The following ESRRB variants were observed in gnomAD, a reference collection of about 807,000 sequenced individuals.
ESRRB encodes the protein estrogen related receptor beta, also known as steroid hormone receptor ERR2.
ESRRB carries 16 observed loss-of-function variants against 46.0 expected under a neutral mutation model. That is an observed-to-expected ratio of 0.35 (90% CI 0.24 to 0.53). The LOEUF (loss-of-function observed/expected upper bound fraction) is 0.53. ESRRB is among the 20% of genes least tolerant of loss of function. ESRRB has a pLI of 0.93. For synonymous variants in ESRRB, 246 were observed against 259.6 expected, an observed-to-expected ratio of 0.95 and a Z score of 0.50; for missense variants, 488 against 607.4, an observed-to-expected ratio of 0.80 and a Z score of 2.07.
rs1358367862 is a variant in ESRRB at position 76,365,492 on chromosome 14, CA to C, written c.2+54579del. On this transcript the variant is annotated intron_variant, in intron 1 of 6. Transcript: ENST00000512784. ...AGATCCTGTCTCCAAAACAAACAAA[CA>C]AACAAACAAACAAGCCCCCCACTGA... is the stretch of plus-strand genomic sequence containing the variant. Among the ~76,000 whole-genome samples, 7 of 152,204 alleles carry C rather than the reference CA, an allele frequency of 4.6e-5. No homozygotes were observed. The South Asian group carries it at 8.3e-4, about 18-fold the overall frequency.
At chr14:76,449,636 A>T (rs547313789) in intron 2 of ESRRB, among the ~76,000 whole-genome samples, 12 of 152,214 alleles carry the variant, frequency 7.9e-5, no homozygotes, top group African/African-American at 2.9e-4. Context: ...CGGTCTTCTT[A>T]GGACCATGTG....
At chr14:76,473,804 C>T (rs999445343) in intron 3 of ESRRB, among the ~76,000 whole-genome samples, 1 of 152,222 alleles carries the variant, frequency 6.6e-6, no homozygotes, top group Non-Finnish European at 1.5e-5. Context: ...TGTAAGGTGC[C>T]GGCTGTGGAC....
At chr14:76,428,360 A>G (rs769283812) in intron 1 of ESRRB, among the ~76,000 whole-genome samples, 2 of 152,108 alleles carry the variant, frequency 1.3e-5, no homozygotes, top group Non-Finnish European at 2.9e-5. Flanking sequence ...AACAGATTTA[A>G]GAAAAGTTAA....
Position 76,498,215 on chromosome 14 carries a change from T to C in ESRRB, c.1122T>C (p.Asp374=), listed in dbSNP as rs1205690623. The change falls in exon 7 of 7, where the codon GAT becomes GAC. Residue 374 remains aspartate, a splice_region_variant and synonymous_variant. Coordinates refer to ENST00000644823, the MANE Select transcript of ESRRB (RefSeq NM_001379180.1). ...TLKALALANS[D]SMYIEDLEAV... is the part of the protein sequence containing the mutation. ...TAATGCTCGTCCTTGTGCCTGCAGA[T>C]TCCATGTACATCGAGGATCTAGAGG... 1 of 1,613,738 alleles carries C rather than the reference T, an allele frequency of 6.2e-7. No individual in the cohort carries two copies. The highest frequency in any genetic ancestry group is 8.5e-7 in the Non-Finnish European group (1 of 1,179,982).
chr14:76,360,288 G>C lies in ESRRB; in HGVS notation c.2+49372G>C, dbSNP rs371316389. On this transcript the variant is annotated intron_variant, in intron 1 of 6. Transcript: ENST00000512784. ...TGGTACAGCCATGCACCTTTCTAGG[G>C]TTCCTAGTGGAACCACTGGATTTCC... is the stretch of plus-strand genomic sequence containing the variant. Among the ~76,000 whole-genome samples, 14 of 152,250 alleles carry C rather than the reference G, an allele frequency of 9.2e-5. No homozygotes were observed. In the South Asian group the frequency reaches 2.9e-3, roughly 32 times the overall value.
At position 76,482,730 on chromosome 14, in the gene ESRRB, T is replaced by C; in HGVS notation, c.821T>C (p.Val274Ala). Residue 274 changes from valine (V) to alanine (A), a missense_variant, in exon 5 of 7, where the codon GTC becomes GCC. Transcript: ENST00000644823. This position sits in a 1 kb window ranked among gnomAD's most constrained non-coding sequence, Gnocchi z 4.3. The part of the protein sequence containing the change: ...LCDLADRELV[V>A]IIGWAKHIPG... ...GACCTGGCAGACCGAGAGCTTGTGG[T>C]CATCATTGGCTGGGCCAAGCACATC... 6.2e-7 allele frequency: 1 copy of C among 1,614,060 alleles called. No homozygotes were observed. The highest frequency in any genetic ancestry group is 1.3e-5 in the African/African-American group (1 of 75,012).
chr14:76,335,558 G>C (rs1884116037), intron 1 of ESRRB, among the ~76,000 whole-genome samples: 1 of 152,216 alleles, frequency 6.6e-6, no homozygotes, highest in African/African-American at 2.4e-5. Flanking sequence ...TGCTTTCACA[G>C]AGTGTACAGT....
intron 1 of ESRRB, among the ~76,000 whole-genome samples, chr14:76,427,109 C>T (rs903066435): frequency 6.6e-5 from 10 of 152,124 alleles, no homozygotes; most frequent in Admixed American, 1.3e-4. Flanking sequence ...CTGCCAGCTT[C>T]GATATTCTTC....
chr14:76,452,620 C>CAAAAAAA (rs766430065), intron 2 of ESRRB, among the ~76,000 whole-genome samples: 16 of 39,314 alleles, frequency 4.1e-4, no homozygotes, highest in African/African-American at 1.0e-3. Context: ...ACTCTGTCTC[C>CAAAAAAA]AAAAAAAAAA....
At chr14:76,401,233 G>C (rs1885930548) in intron 1 of ESRRB, among the ~76,000 whole-genome samples, 1 of 152,216 alleles carries the variant, frequency 6.6e-6, no homozygotes, top group African/African-American at 2.4e-5. Context: ...ACGCTGGCTG[G>C]TCTTTACAGC....
At chr14:76,380,966 C>T (rs976103170) in intron 1 of ESRRB, among the ~76,000 whole-genome samples, 1 of 152,170 alleles carries the variant, frequency 6.6e-6, no homozygotes, top group Non-Finnish European at 1.5e-5. Context: ...AGAGATAAAT[C>T]AAAGACGTTT....
intron 1 of ESRRB, among the ~76,000 whole-genome samples, chr14:76,396,714 G>A (rs936781921): frequency 6.6e-6 from 1 of 152,206 alleles, no homozygotes; most frequent in Admixed American, 6.5e-5. Flanking sequence ...ATGCTACCAA[G>A]CCTGTGCCTC....
chr14:76,427,358 TGTATGTGTGTGTAC>T (rs1357667473), intron 1 of ESRRB, among the ~76,000 whole-genome samples: 5 of 151,962 alleles, frequency 3.3e-5, no homozygotes, highest in African/African-American at 1.2e-4. Context: ...TGTGTGTGTG[TGTATGTGTGTGTAC>T]GTGTACATGC....
At chr14:76,326,842 C>T (rs1000732480) in intron 1 of ESRRB, among the ~76,000 whole-genome samples, 1 of 152,240 alleles carries the variant, frequency 6.6e-6, no homozygotes, top group Admixed American at 6.5e-5. Flanking sequence ...TTCTTGCCAG[C>T]TGCTTTTTCC....
At chr14:76,469,605 G>A (rs1459530567) in intron 3 of ESRRB, among the ~76,000 whole-genome samples, 2 of 151,840 alleles carry the variant, frequency 1.3e-5, no homozygotes, top group Admixed American at 1.3e-4. Context: ...AAACTCTTGG[G>A]CTCAAGCAAT....
chr14:76,433,785 T>A (rs1181448933), intron 1 of ESRRB, among the ~76,000 whole-genome samples: 2 of 152,096 alleles, frequency 1.3e-5, no homozygotes, highest in African/African-American at 2.4e-5. Flanking sequence ...TAGGGATACT[T>A]GCCCCTTCTC....
intron 2 of ESRRB, among the ~76,000 whole-genome samples, chr14:76,454,025 G>A (rs1308049902): frequency 2.0e-5 from 3 of 152,200 alleles, no homozygotes; most frequent in Admixed American, 2.0e-4. Flanking sequence ...GTACTCCAGA[G>A]TTGATTAAAT....
intron 1 of ESRRB, among the ~76,000 whole-genome samples, chr14:76,357,183 G>A (rs568939595): frequency 6.6e-6 from 1 of 152,380 alleles, no homozygotes; most frequent in Non-Finnish European, 1.5e-5. Context: ...CACGGGGCAT[G>A]AGAGAGAAGA....
In ESRRB at chr14:76,477,612, C is replaced by A. The variant is rs572309366; in HGVS notation, c.578-4404C>A. On this transcript the variant is annotated intron_variant, in intron 3 of 6. Coordinates refer to ENST00000644823, the MANE Select transcript of ESRRB (RefSeq NM_001379180.1). ...GAGATGGGCATGGGACCTTCATTATCGAGCCCATGGGCTGCAGTGATTGTG... is the reference window on the plus strand; with the variant it reads ...GAGATGGGCATGGGACCTTCATTATAGAGCCCATGGGCTGCAGTGATTGTG... 4.6e-4 allele frequency among the ~76,000 whole-genome samples: 70 copies of A among 152,276 alleles called. No individual in the cohort carries two copies. The South Asian group carries it at 9.5e-3, about 21-fold the overall frequency.
Sources: allele counts gnomAD v4.1 joint callset (sites outside exome capture counted in the v4.1 genomes callset), GRCh38; gene constraint gnomAD v4.1.1; non-coding constraint Gnocchi (gnomAD v3.1); transcripts MANE v1.5; gene names NCBI Gene and HGNC (gene_info 2026-07-23, HGNC 2026-07-21).